The following LSP1 variants were observed in gnomAD, a reference collection of about 807,000 sequenced individuals.
LSP1 encodes the protein lymphocyte specific protein 1.
LSP1 carries 32 observed loss-of-function variants against 49.3 expected under a neutral mutation model. The observed-to-expected ratio is 0.65, with a 90% confidence interval of 0.49 to 0.87. The LOEUF (loss-of-function observed/expected upper bound fraction) is 0.87, where lower values mean the gene tolerates loss of function less well. Ranked by LOEUF, LSP1 falls within the 40% of genes least tolerant of loss-of-function variation. LSP1 has a pLI of 0.00. For synonymous variants in LSP1, 179 were observed against 178.8 expected (o/e 1.00, Z -0.01); for missense variants, 428 against 442.6 (o/e 0.97, Z 0.30).
At chr11:1,883,357 G>T in intron 3 of LSP1, 62 bp from the exon 4 acceptor site, 2 of 1,583,946 alleles carry the variant, frequency 1.3e-6, no homozygotes, top group South Asian at 1.1e-5. Context: ...TTGGAAAAAG[G>T]AAGGGGTCAA....
intron 1 of LSP1, among the ~76,000 whole-genome samples, chr11:1,860,849 T>TATGGGTGGATGAGGGG (rs57775872): frequency 2.0e-5 from 3 of 151,736 alleles, no homozygotes; most frequent in Non-Finnish European, 4.4e-5. Context: ...TGGAATTATG[T>TATGGGTGGATGAGGGG]ATGGGTGGAT....
At chr11:1,866,848 C>T (rs1008657306) in intron 1 of LSP1, 11 of 1,547,110 alleles carry the variant, frequency 7.1e-6, no homozygotes, top group African/African-American at 2.7e-5. Context: ...GGCTCACCCC[C>T]TTGTCACCAG....
intron 10 of LSP1, among the ~76,000 whole-genome samples, chr11:1,888,356 T>C (rs1002495574): frequency 1.3e-5 from 2 of 152,052 alleles, no homozygotes; most frequent in Non-Finnish European, 2.9e-5. Flanking sequence ...GCTGTTCCCA[T>C]AGGGTTGGGA....
intron 1 of LSP1, chr11:1,871,022 G>C: frequency 9.1e-6 from 9 of 985,648 alleles, no homozygotes; most frequent in Non-Finnish European, 9.6e-6. Context: ...CAGGCACCGA[G>C]TGGGGCTGCA....
chr11:1,884,216 G>C lies in LSP1; in HGVS notation c.592-64G>C. 1.3e-6 allele frequency: 2 copies of C among 1,581,430 alleles called. No individual in the cohort carries two copies. Among genetic ancestry groups the C allele is most frequent in the Non-Finnish European group, 1.7e-6 (2 of 1,150,316 alleles). ...GTTGGATTAGTGGTTGGAGTAGCTG[G>C]GGAGATGGAGGGTGGGCTTTACCTC... On this transcript the variant is annotated intron_variant, in intron 5 of 10. Coordinates refer to ENST00000311604, the MANE Select transcript of LSP1 (RefSeq NM_002339.3). This position sits in a 1 kb window ranked among gnomAD's most constrained non-coding sequence, Gnocchi z 4.1.
At chr11:1,868,255 C>T (rs370816662) in intron 1 of LSP1, among the ~76,000 whole-genome samples, 64 of 152,330 alleles carry the variant, frequency 4.2e-4, no homozygotes, top group African/African-American at 1.5e-3. Context: ...TAGCCTGGCC[C>T]GGAGTGAAGA....
intron 1 of LSP1, among the ~76,000 whole-genome samples, chr11:1,856,710 A>T (rs942339482): frequency 6.6e-6 from 1 of 152,172 alleles, no homozygotes. Flanking sequence ...GGAAGTCTTC[A>T]TCTGAGCAGC....
At chr11:1,869,229 C>A (rs754089582) in intron 1 of LSP1, 3 of 232,168 alleles carry the variant, frequency 1.3e-5, no homozygotes, top group Admixed American at 1.0e-4. Flanking sequence ...GTGGTGCTTG[C>A]GGAGGTGAGA....
In LSP1 at chr11:1,853,224, C is replaced by T. The variant is rs980557251; in HGVS notation, c.53+27C>T. The T allele has an allele frequency of 2.5e-6, 4 of 1,601,798 alleles. No homozygotes were observed. In the African/African-American group the frequency reaches 4.0e-5, roughly 16 times the overall value. On this transcript the variant is annotated intron_variant, in intron 1 of 10. Coordinates refer to ENST00000311604, the MANE Select transcript of LSP1 (RefSeq NM_002339.3). ...TAAGGGTCTGCGGCGACGCCCGGCG[C>T]CCTGTGCCGTGTCCACGGGTGCATA...
chr11:1,889,736 G>A, intron 10 of LSP1: 1 of 657,786 alleles, frequency 1.5e-6, no homozygotes, highest in Non-Finnish European at 2.8e-6. Context: ...TGGGGACCAG[G>A]CTGTGCGGTG....
intron 1 of LSP1, chr11:1,870,845 G>A (rs1228429822): frequency 1.1e-5 from 11 of 986,964 alleles, no homozygotes; most frequent in Non-Finnish European, 1.2e-5. Flanking sequence ...GTCCCAGAAC[G>A]TGCCAAAAGC....
intron 1 of LSP1, among the ~76,000 whole-genome samples, chr11:1,860,849 T>TATGGGTGGATGAGTGG (rs57775872): frequency 0.64 from 96,810 of 151,752 alleles, 30,989 homozygotes; most frequent in East Asian, 0.77. Flanking sequence ...TGGAATTATG[T>TATGGGTGGATGAGTGG]ATGGGTGGAT....
Position 1,884,227 on chromosome 11 carries a change from G to A in LSP1, c.592-53G>A. ...GGTTGGAGTAGCTGGGGAGATGGAG[G>A]GTGGGCTTTACCTCGGCTGCTGCAG... is the stretch of plus-strand genomic sequence containing the variant. On this transcript the variant is annotated intron_variant, in intron 5 of 10. Transcript: ENST00000311604. This position sits in a 1 kb window ranked among gnomAD's most constrained non-coding sequence, Gnocchi z 4.1. 1 of 1,603,140 alleles carries A rather than the reference G, an allele frequency of 6.2e-7. No homozygotes were observed. Among genetic ancestry groups the A allele is most frequent in the Non-Finnish European group, 8.5e-7 (1 of 1,170,128 alleles).
intron 1 of LSP1, chr11:1,866,347 ACT>A: frequency 2.4e-6 from 2 of 848,990 alleles, no homozygotes; most frequent in Non-Finnish European, 3.6e-6. Context: ...CAGTGCTGAG[ACT>A]CTGAGAGGCC....
At chr11:1,865,745 C>CA (rs1411279130) in intron 1 of LSP1, among the ~76,000 whole-genome samples, 1 of 151,714 alleles carries the variant, frequency 6.6e-6, no homozygotes, top group African/African-American at 2.4e-5. Flanking sequence ...TCTGAGCCCC[C>CA]AAAATGAAGG....
At chr11:1,872,890 G>T (rs572805276) in intron 1 of LSP1, among the ~76,000 whole-genome samples, 1 of 152,096 alleles carries the variant, frequency 6.6e-6, no homozygotes, top group Non-Finnish European at 1.5e-5. Flanking sequence ...TGCAGCACTG[G>T]GTGGGTCATG....
In LSP1 at chr11:1,881,588, A is replaced by G. The variant is rs1205280069; in HGVS notation, c.348A>G (p.Gln116=). 6.6e-7 allele frequency: 1 copy of G among 1,514,020 alleles called. No homozygotes were observed. Among genetic ancestry groups the G allele is most frequent in the Non-Finnish European group, 8.9e-7 (1 of 1,128,244 alleles). The allele number at this position is 1,514,020 out of a possible 1,614,324, so 93.8% of individuals were successfully genotyped here. The change falls in exon 3 of 11, where the codon CAA becomes CAG. Residue 116 remains glutamine (Q), a synonymous_variant. Transcript: ENST00000311604. ...PPQCRSPEGE[Q]EDRPGLHAYE... is the part of the protein sequence containing the mutation. ...AGTGCAGGAGTCCTGAGGGGGAGCA[A>G]GAGGACAGGTGAGTGAGGGCCTCGA...
chr11:1,866,671 G>T, intron 1 of LSP1: 1 of 1,550,524 alleles, frequency 6.4e-7, no homozygotes. Context: ...CAACGGGAAT[G>T]TGTTTTCCCA....
rs778767008 is a variant in LSP1 at position 1,880,243 on chromosome 11, C to T, written c.191+19C>T. ...AGATGCTGTGAGCAGCCCCATAACG[C>T]GTGCCTGGGCTCTAGCCCCTATCCG... On this transcript the variant is annotated intron_variant, in intron 2 of 10. Transcript: ENST00000311604. 23 of 1,561,532 alleles carry T rather than the reference C, an allele frequency of 1.5e-5. No homozygotes were observed. Among genetic ancestry groups the T allele is most frequent in the Middle Eastern group, 2.1e-4 (1 of 4,848 alleles).
Sources: gnomAD v4.1 joint callset for allele counts (sites outside exome capture counted in the v4.1 genomes callset) on GRCh38, gnomAD v4.1.1 for gene constraint, Gnocchi (gnomAD v3.1) non-coding constraint, MANE v1.5 for transcripts, NCBI Gene and HGNC (gene_info 2026-07-23, HGNC 2026-07-21) for gene names.